GAS2L1: variants seen among roughly 807,000 people sequenced by gnomAD.
GAS2L1 encodes GAS2-like protein 1.
GAS2L1 carries 26 observed loss-of-function variants against 44.0 expected under a neutral mutation model. That is an observed-to-expected ratio of 0.59 (90% CI 0.43 to 0.82). The LOEUF is 0.82. GAS2L1 is among the 40% of genes least tolerant of loss of function. The probability of loss-of-function intolerance (pLI) is 0.00; values close to 1 mark genes in which losing one functional copy is unlikely to be tolerated. For synonymous variants in GAS2L1, 426 were observed against 415.9 expected (o/e 1.02, Z -0.30); for missense variants, 1,006 against 983.0 (o/e 1.02, Z -0.31).
At chr22:29,310,648 G>A (rs749176624) in exon 3 of GAS2L1, 1 of 1,607,498 alleles carries the variant, frequency 6.2e-7, no homozygotes, top group Admixed American at 1.7e-5. Flanking sequence ...GTGCTGAGGA[G>A]CCACGTGATG....
rs1461815792 is a variant in GAS2L1, at chr22:29,308,069, C to T, written c.-37C>T. 6.6e-7 allele frequency: 1 copy of T among 1,510,780 alleles called. No homozygotes were observed. 93.6% of individuals were successfully genotyped at this position (1,510,780 alleles called of 1,614,324 possible). ...ACTGGGTCCCCACAGCGATCCTGAA[C>T]TGTGTTCCTGCCCACAGTGACTCGG... On this transcript the variant is annotated 5_prime_UTR_variant, in exon 1 of 5. Coordinates refer to ENST00000618518, the Ensembl canonical transcript of GAS2L1.
At chr22:29,312,523 C>T (rs973516010) in exon 5 of GAS2L1, 6 of 1,458,914 alleles carry the variant, frequency 4.1e-6, no homozygotes, top group Non-Finnish European at 4.6e-6. Context: ...GTCCCCAGAC[C>T]CCATCCCTTC....
chr22:29,311,541 A>T (rs2147903513), exon 5 of GAS2L1: 1 of 1,542,200 alleles, frequency 6.5e-7, no homozygotes, highest in East Asian at 2.4e-5. Flanking sequence ...CTCCGCCCAG[A>T]GCGGCCCCCT....
exon 1 of GAS2L1, chr22:29,307,495 G>C (rs1050719246): frequency 1.3e-5 from 2 of 152,320 alleles, no homozygotes; most frequent in Non-Finnish European, 2.9e-5. Context: ...CCCTTTCTGC[G>C]CCTCAGTTTC....
rs535619914 is a variant in GAS2L1 at position 29,311,550 on chromosome 22, C to G, written c.1099C>G (p.Leu367Val). ...AGCCTCCTCCGCCCAGAGCGGCCCC[C>G]TTGGTACCCGCAGTGATGACACAGG... The change falls in exon 5 of 5, where the codon CTT becomes GTT. Residue 367 changes from leucine to valine, a missense_variant. Physicochemically the swap from Leu to Val is conservative, Grantham distance 32 (BLOSUM62 1). Transcript: ENST00000618518. 4.5e-5 allele frequency: 70 copies of G among 1,543,404 alleles called. No homozygotes were observed. The African/African-American group carries it at 7.4e-4, about 16-fold the overall frequency.
chr22:29,308,897 C>T (rs531896073), intron 1 of GAS2L1, among the ~76,000 whole-genome samples, 159 bp downstream of exon 2: 1 of 152,330 alleles, frequency 6.6e-6, no homozygotes, highest in Admixed American at 6.5e-5. Context: ...GTATACCTGA[C>T]CCCAAGGAAA....
At chr22:29,311,148 G>T in intron 4 of GAS2L1, 150 bp downstream of exon 5, 1 of 731,080 alleles carries the variant, frequency 1.4e-6, no homozygotes, top group Non-Finnish European at 2.2e-6. Flanking sequence ...CCATCTCCAT[G>T]GCAACCCAAC....
chr22:29,310,447 G>A, exon 2 of GAS2L1: 1 of 1,596,940 alleles, frequency 6.3e-7, no homozygotes, highest in South Asian at 1.1e-5. Flanking sequence ...AGGTGAGGGA[G>A]ATTCTGGGCC....
At chr22:29,311,298 C>T in intron 4 of GAS2L1, 164 bp from the exon 6 acceptor site, 1 of 584,516 alleles carries the variant, frequency 1.7e-6, no homozygotes, top group East Asian at 2.9e-5. Flanking sequence ...GGCCCTGGGC[C>T]GCTGGAGGAA....
At position 29,311,852 on chromosome 22, in the gene GAS2L1, G is replaced by C. The variant is rs1303731404; in HGVS notation, c.1401G>C (p.Ser467=). The C allele has an allele frequency of 9.4e-6, 15 of 1,593,696 alleles. No individual in the cohort carries two copies. In the Admixed American group the frequency reaches 1.9e-4, roughly 20 times the overall value. The change falls in exon 5 of 5, where the codon TCG becomes TCC. Residue 467 remains serine (S), a synonymous_variant. Transcript: ENST00000618518. ...CAAGGGGCAGGGGCAGTGGGGGCTCGGGCAGGAGCACCCCCCAGACTCCCC... is the reference window on the plus strand; with the variant it reads ...CAAGGGGCAGGGGCAGTGGGGGCTCCGGCAGGAGCACCCCCCAGACTCCCC...
chr22:29,310,262 AAAAAAT>A (rs1293140406), intron 1 of GAS2L1, 171 bp from the exon 3 acceptor site: 32 of 385,978 alleles, frequency 8.3e-5, no homozygotes, highest in African/African-American at 4.5e-4. Context: ...AAAAAATAAA[AAAAAAT>A]AAAAAAAATA....
chr22:29,310,586 T>A (rs762855400), intron 2 of GAS2L1, 40 bp downstream of exon 3: 1 of 1,578,542 alleles, frequency 6.3e-7, no homozygotes, highest in East Asian at 2.2e-5. Context: ...GCAGCCAAGG[T>A]GGTGGGCTGC....
At chr22:29,312,588 T>G in exon 5 of GAS2L1, 1 of 956,434 alleles carries the variant, frequency 1.0e-6, no homozygotes, top group Non-Finnish European at 1.5e-6. Context: ...CTCTGCCTCT[T>G]GAGTACCAGA....
exon 5 of GAS2L1, chr22:29,311,970 C>T (rs1215353353): frequency 1.9e-6 from 3 of 1,609,370 alleles, no homozygotes; most frequent in Admixed American, 1.7e-5. Context: ...CCGCACACCC[C>T]TGCAGCTCGA....
At chr22:29,308,984 G>GCAC (rs1174874070) in intron 1 of GAS2L1, among the ~76,000 whole-genome samples, 1 of 152,264 alleles carries the variant, frequency 6.6e-6, no homozygotes. Context: ...CGGGCTCCTG[G>GCAC]CACGATCTTC....
chr22:29,311,845 G>T (rs750952353), exon 5 of GAS2L1: 1 of 1,593,612 alleles, frequency 6.3e-7, no homozygotes, highest in South Asian at 1.1e-5. Flanking sequence ...AGGGGCAGTG[G>T]GGGCTCGGGC....
chr22:29,308,054 C>A, exon 1 of GAS2L1: 1 of 1,469,498 alleles, frequency 6.8e-7, no homozygotes, highest in South Asian at 1.4e-5. Context: ...ACTGGGTCCC[C>A]ACAGCGATCC....
rs754054977 is a variant in GAS2L1 at position 29,312,417 on chromosome 22, C to T, written c.1966C>T (p.Pro656Ser). ...CCCCACGCCTCGGGGCCCCCGCCGCCCCTCCGGACCCGCAGAGCTGGGGAC... is the reference window on the plus strand; with the variant it reads ...CCCCACGCCTCGGGGCCCCCGCCGCTCCTCCGGACCCGCAGAGCTGGGGAC... The change falls in exon 5 of 5, where the codon CCC becomes TCC. Residue 656 changes from proline to serine, a missense_variant. Physicochemically the swap from Pro to Ser is moderately conservative, Grantham distance 74. Transcript: ENST00000618518. 1.9e-6 allele frequency: 3 copies of T among 1,553,902 alleles called. No homozygotes were observed. In the South Asian group the frequency reaches 3.6e-5, roughly 19 times the overall value.
At chr22:29,308,662 A>G (rs1483335333) in exon 1 of GAS2L1, 5 of 1,545,228 alleles carry the variant, frequency 3.2e-6, no homozygotes, top group Non-Finnish European at 4.4e-6. Context: ...GACACCACTG[A>G]AACCGCCCCC....
Sources: gnomAD v4.1 joint callset for allele counts (sites outside exome capture counted in the v4.1 genomes callset) on GRCh38, gnomAD v4.1.1 for gene constraint, MANE v1.5 for transcripts, NCBI Gene and HGNC (gene_info 2026-07-23, HGNC 2026-07-21) for gene names.